The following SPSB4 variants were observed in gnomAD, a reference collection of about 807,000 sequenced individuals.
SPSB4 encodes splA/ryanodine receptor domain and SOCS box containing 4.
SPSB4 carries 21 observed loss-of-function variants against 20.9 expected under a neutral mutation model. That is an observed-to-expected ratio of 1.01 (90% confidence interval 0.71 to 1.45). The LOEUF is 1.45. SPSB4 is among the 40% of genes most tolerant of loss of function. SPSB4 has a pLI of 0.00. For missense variants in SPSB4, 399 were observed against 399.2 expected, an observed-to-expected ratio of 1.00 and a Z score of 0.00; for synonymous variants, 207 against 183.8, an observed-to-expected ratio of 1.13 and a Z score of -1.02.
chr3:141,128,639 G>A (rs1939086934), intron 2 of SPSB4, among the ~76,000 whole-genome samples: 1 of 152,082 alleles, frequency 6.6e-6, no homozygotes, highest in South Asian at 2.1e-4. Context: ...GCTGGGGGGA[G>A]CTCACAGAAG....
intron 2 of SPSB4, among the ~76,000 whole-genome samples, chr3:141,135,442 C>T (rs1294401492): frequency 6.6e-6 from 1 of 151,748 alleles, no homozygotes; most frequent in African/African-American, 2.4e-5. Context: ...GTGTGCTGCA[C>T]CCATTAACTC....
chr3:141,069,360 C>T (rs562762336), intron 2 of SPSB4, among the ~76,000 whole-genome samples: 1 of 152,154 alleles, frequency 6.6e-6, no homozygotes, highest in South Asian at 2.1e-4. Flanking sequence ...GGCTGAAGTC[C>T]ACCATGAATC....
intron 2 of SPSB4, among the ~76,000 whole-genome samples, chr3:141,136,107 T>G (rs957593409): frequency 3.9e-5 from 6 of 152,348 alleles, no homozygotes; most frequent in Admixed American, 3.9e-4. Context: ...TGATGAGCAT[T>G]TTTTCATGTG....
intron 1 of SPSB4, among the ~76,000 whole-genome samples, chr3:141,063,358 G>A (rs1200093535): frequency 6.6e-6 from 1 of 151,972 alleles, no homozygotes; most frequent in Non-Finnish European, 1.5e-5. Flanking sequence ...TTAATGACAT[G>A]GTCAATATTT....
At position 141,147,732 on chromosome 3, in the gene SPSB4, C is replaced by T. The variant is rs1271093750; in HGVS notation, c.*463C>T. The T allele has an allele frequency of 1.8e-5, 3 of 167,866 alleles. No homozygotes were observed. Among genetic ancestry groups the T allele is most frequent in the African/African-American group, 7.1e-5 (3 of 42,042 alleles). 10.4% of individuals were successfully genotyped at this position (167,866 alleles called of 1,614,324 possible). Reference sequence around the variant, plus strand: ...GAATGATGAAAGCCTGACGCCGTGCCCCTCCTGGCCCATACGCCTTGCCAG... The same window carrying T: ...GAATGATGAAAGCCTGACGCCGTGCTCCTCCTGGCCCATACGCCTTGCCAG... On this transcript the variant is annotated 3_prime_UTR_variant, in exon 3 of 3. Transcript: ENST00000310546.
chr3:141,146,239 AGT>A (rs1426927061), intron 2 of SPSB4, among the ~76,000 whole-genome samples: 1 of 152,150 alleles, frequency 6.6e-6, no homozygotes, highest in African/African-American at 2.4e-5. Flanking sequence ...TCCTATGTCC[AGT>A]GGTTCCATTA....
intron 2 of SPSB4, among the ~76,000 whole-genome samples, chr3:141,079,120 G>A (rs1475556175): frequency 6.6e-6 from 1 of 152,128 alleles, no homozygotes; most frequent in Non-Finnish European, 1.5e-5. Flanking sequence ...AAATAGCCGG[G>A]TGTGGTGGCA....
intron 2 of SPSB4, among the ~76,000 whole-genome samples, chr3:141,142,892 T>C (rs1157922718): frequency 2.8e-5 from 4 of 141,006 alleles, no homozygotes; most frequent in Admixed American, 2.4e-4. Context: ...TCTCAGCTCA[T>C]TGCAAGTTCC....
At chr3:141,099,716 T>G (rs764146450) in intron 2 of SPSB4, among the ~76,000 whole-genome samples, 4 of 152,220 alleles carry the variant, frequency 2.6e-5, no homozygotes, top group Non-Finnish European at 5.9e-5. Flanking sequence ...TTTTGTGGTG[T>G]GAGCTTGTAC....
intron 2 of SPSB4, among the ~76,000 whole-genome samples, chr3:141,096,062 G>A (rs1259276587): frequency 6.6e-6 from 1 of 152,180 alleles, no homozygotes; most frequent in Non-Finnish European, 1.5e-5. Flanking sequence ...AGGGAAGCCA[G>A]GAAGGGACCA....
intron 1 of SPSB4, among the ~76,000 whole-genome samples, chr3:141,059,420 G>A (rs960534297): frequency 2.6e-5 from 4 of 151,298 alleles, no homozygotes; most frequent in African/African-American, 9.7e-5. Flanking sequence ...TTCTAGAGAG[G>A]CCTCAGGAAG....
chr3:141,146,514 C>T (rs1026884688), intron 2 of SPSB4, among the ~76,000 whole-genome samples: 8 of 152,138 alleles, frequency 5.3e-5, no homozygotes, highest in African/African-American at 9.7e-5. Context: ...CGGTGGCTCA[C>T]GCCTGTAATC....
chr3:141,106,099 G>A (rs1376680800), intron 2 of SPSB4, among the ~76,000 whole-genome samples: 1 of 152,234 alleles, frequency 6.6e-6, no homozygotes, highest in Non-Finnish European at 1.5e-5. Flanking sequence ...GACTGGCCGT[G>A]GTGGCACTGA....
At chr3:141,061,424 T>C (rs1158964239) in intron 1 of SPSB4, among the ~76,000 whole-genome samples, 3 of 152,066 alleles carry the variant, frequency 2.0e-5, no homozygotes, top group African/African-American at 7.2e-5. Flanking sequence ...TAACCTTTTC[T>C]AATTAATGAG....
intron 2 of SPSB4, among the ~76,000 whole-genome samples, chr3:141,129,673 C>T (rs1363112537): frequency 1.3e-5 from 2 of 152,196 alleles, no homozygotes; most frequent in African/African-American, 4.8e-5. Context: ...AGGCTGCCCC[C>T]TTGATCACAC....
At chr3:141,055,605 C>T (rs1265386362) in intron 1 of SPSB4, among the ~76,000 whole-genome samples, 1 of 152,090 alleles carries the variant, frequency 6.6e-6, no homozygotes, top group Non-Finnish European at 1.5e-5. Flanking sequence ...TGCTAAGAGA[C>T]CAGTGGAGTA....
intron 2 of SPSB4, among the ~76,000 whole-genome samples, chr3:141,146,563 C>G (rs150079701): frequency 7.1e-4 from 108 of 152,262 alleles, no homozygotes; most frequent in African/African-American, 2.3e-3. Flanking sequence ...ATCACGAGGT[C>G]AGGAGATCGA....
At chr3:141,134,057 T>TTTTTTTTTTC (rs1939185798) in intron 2 of SPSB4, among the ~76,000 whole-genome samples, 1 of 64,090 alleles carries the variant, frequency 1.6e-5, no homozygotes, top group African/African-American at 9.0e-5. Flanking sequence ...TTCTTTTTTC[T>TTTTTTTTTTC]TTTTTTTTTT....
At chr3:141,057,914 C>T (rs1373618147) in intron 1 of SPSB4, among the ~76,000 whole-genome samples, 1 of 152,202 alleles carries the variant, frequency 6.6e-6, no homozygotes, top group Admixed American at 6.5e-5. Flanking sequence ...CTCGTGGAGT[C>T]TGACCCCTTT....
Sources: gnomAD v4.1 joint callset for allele counts (sites outside exome capture counted in the v4.1 genomes callset) on GRCh38, gnomAD v4.1.1 for gene constraint, MANE v1.5 for transcripts, NCBI Gene and HGNC (gene_info 2026-07-23, HGNC 2026-07-21) for gene names.